Variants in ADAM8 observed in about 807,000 individuals in gnomAD.
The protein encoded by ADAM8 is disintegrin and metalloproteinase domain-containing protein 8.
A neutral mutation model predicts 102.4 loss-of-function variants in ADAM8; 104 were observed. The ratio of observed to expected loss-of-function variants is 1.02; its 90% CI spans 0.87 to 1.20. The LOEUF is 1.20. Among genes scored for constraint, ADAM8 ranks in the 50% most tolerant of loss-of-function variants. The probability of loss-of-function intolerance (pLI) is 0.00; values close to 1 mark genes in which losing one functional copy is unlikely to be tolerated. For synonymous variants in ADAM8, 517 were observed against 485.2 expected, an observed-to-expected ratio of 1.07 and a Z score of -0.86; for missense variants, 1,132 against 1,159.0, an observed-to-expected ratio of 0.98 and a Z score of 0.34.
At chr10:133,274,462 TGGAGGGTGGAGGCGGGGGGC>T (rs1846670061) in intron 2 of ADAM8, among the ~76,000 whole-genome samples, 1 of 21,972 alleles carries the variant, frequency 4.6e-5, no homozygotes. Flanking sequence ...GAGTGGAGGG[TGGAGGGTGGAGGCGGGGGGC>T]GGAGGGCAGA....
At chr10:133,270,662 T>A (rs1846489656) in intron 15 of ADAM8, 74 bp downstream of exon 15, 1 of 1,553,686 alleles carries the variant, frequency 6.4e-7, no homozygotes, top group Non-Finnish European at 8.8e-7. Context: ...CAGGACCCTT[T>A]GCAGAGGCCC....
intron 2 of ADAM8, 26 bp downstream of exon 2, chr10:133,275,458 C>T (rs1310587337): frequency 1.5e-5 from 23 of 1,498,852 alleles, no homozygotes; most frequent in Non-Finnish European, 2.1e-5. Flanking sequence ...CAGCCAGGGA[C>T]CCTCCCCAGG....
intron 21 of ADAM8, among the ~76,000 whole-genome samples, chr10:133,264,700 T>G (rs1428603449): frequency 8.0e-6 from 1 of 125,752 alleles, no homozygotes; most frequent in Non-Finnish European, 1.7e-5. Flanking sequence ...CCCCATCTAC[T>G]GCCACGCCTG....
At chr10:133,270,004 C>T (rs780101104) in intron 16 of ADAM8, 30 bp from the exon 17 acceptor site, 26 of 1,608,054 alleles carry the variant, frequency 1.6e-5, no homozygotes, top group African/African-American at 4.0e-5. Flanking sequence ...CTCAGGCAGC[C>T]GCTCTGGACC....
Position 133,273,981 on chromosome 10 carries a change from G to T in ADAM8, c.276C>A (p.Gly92=). 1 of 1,606,184 alleles carries T rather than the reference G, an allele frequency of 6.2e-7. No individual in the cohort carries two copies. Among genetic ancestry groups the T allele is most frequent in the Non-Finnish European group, 8.5e-7 (1 of 1,178,334 alleles). Residue 92 remains glycine, a synonymous_variant, in exon 4 of 23, where the codon GGC becomes GGA. Transcript: ENST00000445355. ...CGCGAGGCTGCTCCGTCACCTCGGAGCCATTGGCAGCCGTATAGGTCTCTG... is the reference window on the plus strand; with the variant it reads ...CGCGAGGCTGCTCCGTCACCTCGGATCCATTGGCAGCCGTATAGGTCTCTG... ...GYTETYTAAN[G]SEVTEQPRGQ...
intron 19 of ADAM8, among the ~76,000 whole-genome samples, chr10:133,268,434 G>A (rs2136078687): frequency 6.6e-6 from 1 of 152,312 alleles, no homozygotes; most frequent in South Asian, 2.1e-4. Flanking sequence ...AAACTGGCAG[G>A]GTGCTCACGG....
rs555825431 is a variant in ADAM8, at chr10:133,272,849, G to A, written c.654C>T (p.Ser218=). Residue 218 remains serine, a synonymous_variant, in exon 8 of 23, where the codon AGC becomes AGT. Transcript: ENST00000445355. ...VDNAEFQMLG[S]EAAVRHRVLE... ...GCACCCGATGACGCACGGCTGCTTC[G>A]CTCCCCAGCATCTGGAACTGGGGAC... 1.8e-5 allele frequency: 29 copies of A among 1,610,896 alleles called. No individual in the cohort carries two copies. Among genetic ancestry groups the A allele is most frequent in the Admixed American group, 3.3e-5 (2 of 59,936 alleles).
intron 5 of ADAM8, 44 bp from the exon 6 acceptor site, chr10:133,273,487 C>G (rs775737526): frequency 2.0e-6 from 3 of 1,496,876 alleles, no homozygotes; most frequent in Non-Finnish European, 1.8e-6. Context: ...TTCAGAGTGG[C>G]CTGGTCCTGC....
At chr10:133,267,518 C>T in intron 20 of ADAM8, 101 bp from the exon 21 acceptor site, 1 of 1,207,000 alleles carries the variant, frequency 8.3e-7, no homozygotes, top group Non-Finnish European at 1.2e-6. Flanking sequence ...CTTGTGTGTG[C>T]TGGAGGCGTC....
At chr10:133,274,098 CG>C in intron 3 of ADAM8, 60 bp downstream of exon 3, 1 of 1,586,498 alleles carries the variant, frequency 6.3e-7, no homozygotes, top group Non-Finnish European at 8.6e-7. Context: ...GGCTGGACGC[CG>C]GGGACACCAG....
chr10:133,271,464 G>C lies in ADAM8; in HGVS notation c.1284+64C>G. ...GTGTGGATGTGCAGTGGTCACCCTGGCCTGAAGGGACAGAGGTTGTGGCAC... is the reference window on the plus strand; with the variant it reads ...GTGTGGATGTGCAGTGGTCACCCTGCCCTGAAGGGACAGAGGTTGTGGCAC... On this transcript the variant is annotated intron_variant, in intron 12 of 22. Transcript: ENST00000445355. The C allele has an allele frequency of 2.7e-6, 4 of 1,499,474 alleles. No homozygotes were observed. The South Asian group carries it at 5.1e-5, about 19-fold the overall frequency. 92.9% of individuals were successfully genotyped at this position (1,499,474 alleles called of 1,614,324 possible).
Position 133,269,149 on chromosome 10 carries a change from G to A in ADAM8, c.1949-287C>T, listed in dbSNP as rs975097062. 17 of 985,324 alleles carry A rather than the reference G, an allele frequency of 1.7e-5. No homozygotes were observed. The East Asian group carries it at 5.7e-4, about 33-fold the overall frequency. The allele number at this position is 985,324 out of a possible 1,614,324, so 61.0% of individuals were successfully genotyped here. A position where few individuals can be genotyped will look rare whatever the true frequency, so the allele number is the denominator to read the frequency against. On this transcript the variant is annotated intron_variant, in intron 18 of 22. Transcript: ENST00000445355. ...GCCGCCGGGGAGGAAATGCTGGGTGGCCTCAGGGCCCCGGGCCGAGGAGGG... is the reference window on the plus strand; with the variant it reads ...GCCGCCGGGGAGGAAATGCTGGGTGACCTCAGGGCCCCGGGCCGAGGAGGG...
At position 133,270,516 on chromosome 10, in the gene ADAM8, G is replaced by A. The variant is rs1168357521; in HGVS notation, c.1635-6C>T. On this transcript the variant is annotated splice_region_variant and splice_polypyrimidine_tract_variant and intron_variant, in intron 15 of 22. Transcript: ENST00000445355. ...GAACGCCACACATGTCAGCCCTGTG[G>A]ATGGACGGCAGGTCGTGGGCCAGCT... is the stretch of plus-strand genomic sequence containing the variant. 1 of 1,581,946 alleles carries A rather than the reference G, an allele frequency of 6.3e-7. No individual in the cohort carries two copies. The highest frequency in any genetic ancestry group is 8.6e-7 in the Non-Finnish European group (1 of 1,156,470).
At position 133,268,069 on chromosome 10, in the gene ADAM8, G is replaced by A. The variant is rs1410676459; in HGVS notation, c.2113C>T (p.Gln705Ter). 1 of 1,272,708 alleles carries A rather than the reference G, an allele frequency of 7.9e-7. No individual in the cohort carries two copies. The highest frequency in any genetic ancestry group is 1.0e-6 in the Non-Finnish European group (1 of 1,002,130). 78.8% of individuals were successfully genotyped at this position (1,272,708 alleles called of 1,614,324 possible). ...TTGGCCGGCACGCGGCTGGCAGCCT[G>A]GTGGAACAGGGGGTTGGAGCGCCCC... ...TMGRSNPLFH[Q>*]AASRVPAKGG... is the part of the protein sequence containing the mutation. The change falls in exon 20 of 23, where the codon CAG becomes TAG. Residue 705 changes from glutamine to a stop codon, truncating the protein, a stop_gained. Transcript: ENST00000445355. LOFTEE classifies it high-confidence loss of function.
At chr10:133,272,302 T>A (rs367830732) in intron 9 of ADAM8, 28 bp from the exon 10 acceptor site, 2 of 1,500,878 alleles carry the variant, frequency 1.3e-6, no homozygotes, top group East Asian at 5.0e-5. Flanking sequence ...ACAGATGCCC[T>A]GGACACGGCT....
chr10:133,269,013 C>A (rs1846427545), intron 18 of ADAM8, 151 bp from the exon 19 acceptor site: 1 of 1,453,524 alleles, frequency 6.9e-7, no homozygotes, highest in Non-Finnish European at 9.0e-7. Flanking sequence ...CTGGCACTCC[C>A]AGCTTGCCAG....
intron 18 of ADAM8, chr10:133,269,093 C>A (rs1322252586): frequency 2.0e-6 from 2 of 985,460 alleles, no homozygotes; most frequent in Non-Finnish European, 2.4e-6. Flanking sequence ...GCCTTTGAGG[C>A]CTGATGCTCT....
Position 133,273,833 on chromosome 10 carries a change from G to C in ADAM8, c.312C>G (p.His104Gln). 1 of 1,549,292 alleles carries C rather than the reference G, an allele frequency of 6.5e-7. No individual in the cohort carries two copies. The highest frequency in any genetic ancestry group is 8.7e-7 in the Non-Finnish European group (1 of 1,146,908). The change falls in exon 5 of 23, where the codon CAC (histidine) becomes CAG (glutamine). Residue 104 changes from histidine (H) to glutamine (Q), a missense_variant. His to Gln is a conservative substitution (Grantham distance 24). Coordinates refer to ENST00000445355, the MANE Select transcript of ADAM8 (RefSeq NM_001109.5). Reference protein sequence around the residue: ...EVTEQPRGQDHCFYQGHVEGY... With the variant: ...EVTEQPRGQDQCFYQGHVEGY... The stretch of plus-strand genomic sequence containing the variant: ...CCTCTACGTGGCCCTGGTAGAAGCA[G>C]TGGTCCTGCGGGGGAAGCAGGAGAG...
Position 133,275,049 on chromosome 10 carries a change from G to A in ADAM8, c.150+435C>T, listed in dbSNP as rs1013897969. Reference sequence around the variant, plus strand: ...ACATGTGTGCACACCCACCCACTCAGGCTTCAGGAATCACCCTCGGGCAGC... The same window carrying A: ...ACATGTGTGCACACCCACCCACTCAAGCTTCAGGAATCACCCTCGGGCAGC... On this transcript the variant is annotated intron_variant, in intron 2 of 22. Transcript: ENST00000445355. The A allele has an allele frequency of 3.2e-5, 9 of 282,054 alleles. No homozygotes were observed. The Middle Eastern group carries it at 1.2e-3, about 39-fold the overall frequency. The allele number at this position is 282,054 out of a possible 1,614,324, so 17.5% of individuals were successfully genotyped here. A position where few individuals can be genotyped will look rare whatever the true frequency, so the allele number is the denominator to read the frequency against.
Sources: gnomAD v4.1 joint callset for allele counts (sites outside exome capture counted in the v4.1 genomes callset) on GRCh38, gnomAD v4.1.1 for gene constraint, MANE v1.5 for transcripts, NCBI Gene and HGNC (gene_info 2026-07-23, HGNC 2026-07-21) for gene names.